RAB27B: variants seen among roughly 807,000 people sequenced by gnomAD.
RAB27B encodes the protein ras-related protein Rab-27B.
Under a neutral mutation model 24.6 loss-of-function variants are expected in RAB27B, and 15 were observed. The ratio of observed to expected loss-of-function variants is 0.61; its 90% CI spans 0.41 to 0.94. The LOEUF is 0.94. Among genes scored for constraint, RAB27B ranks in the 40% least tolerant of loss-of-function variants. The probability of loss-of-function intolerance (pLI) is 0.00; values close to 1 mark genes in which losing one functional copy is unlikely to be tolerated. For missense variants in RAB27B, 261 were observed against 266.8 expected (o/e 0.98, Z 0.15); for synonymous variants, 105 against 92.5 (o/e 1.14, Z -0.78).
intron 2 of RAB27B, among the ~76,000 whole-genome samples, chr18:54,752,751 C>T (rs1301986280): frequency 6.6e-6 from 1 of 152,142 alleles, no homozygotes; most frequent in Non-Finnish European, 1.5e-5. Context: ...AGCAGAGATG[C>T]GTGCTGTTGT....
At chr18:54,737,287 C>A (rs1044465553) in intron 2 of RAB27B, among the ~76,000 whole-genome samples, 4 of 152,142 alleles carry the variant, frequency 2.6e-5, no homozygotes, top group Admixed American at 2.6e-4. Context: ...TGACTTTAGG[C>A]ATCAAGAAGA....
At chr18:54,718,670 A>T (rs1287736059) in intron 2 of RAB27B, among the ~76,000 whole-genome samples, 1 of 152,214 alleles carries the variant, frequency 6.6e-6, no homozygotes, top group African/African-American at 2.4e-5. Flanking sequence ...CAGCTAGTAG[A>T]TGGCACACAG....
intron 2 of RAB27B, among the ~76,000 whole-genome samples, chr18:54,774,450 G>T (rs961764519): frequency 2.0e-5 from 3 of 152,170 alleles, no homozygotes; most frequent in African/African-American, 7.2e-5. Flanking sequence ...CAGGTTACAT[G>T]GTTTTCAGGG....
At chr18:54,766,592 CA>C (rs1351517863) in intron 2 of RAB27B, among the ~76,000 whole-genome samples, 1 of 151,982 alleles carries the variant, frequency 6.6e-6, no homozygotes, top group African/African-American at 2.4e-5. Context: ...TATGTTTCTG[CA>C]ATGCAGATTC....
intron 1 of RAB27B, among the ~76,000 whole-genome samples, chr18:54,871,849 CAAAAA>C (rs11388519): frequency 4.7e-5 from 4 of 85,978 alleles, no homozygotes; most frequent in South Asian, 4.5e-4. Flanking sequence ...GACTCCATCT[CAAAAA>C]AAAAAAAAAA....
chr18:54,835,564 A>C (rs1179891012), intron 1 of RAB27B, among the ~76,000 whole-genome samples: 2 of 151,974 alleles, frequency 1.3e-5, no homozygotes, highest in Non-Finnish European at 2.9e-5. Flanking sequence ...TGCAAAACAT[A>C]CGTTACAGGA....
chr18:54,828,326 C>T (rs1450160727), upstream of RAB27B: 1 of 152,192 alleles, frequency 6.6e-6, no homozygotes, highest in Admixed American at 6.5e-5. Context: ...GAGTGTGTTT[C>T]TCACTGCAGC....
intron 1 of RAB27B, among the ~76,000 whole-genome samples, chr18:54,850,357 T>TATATATATATATATATAA (rs1264669719): frequency 1.5e-5 from 2 of 130,566 alleles, no homozygotes; most frequent in Non-Finnish European, 3.2e-5. Flanking sequence ...TATATATATA[T>TATATATATATATATATAA]ATACATACAT....
intron 1 of RAB27B, among the ~76,000 whole-genome samples, chr18:54,872,473 A>G (rs1912511827): frequency 6.6e-6 from 1 of 151,802 alleles, no homozygotes; most frequent in African/African-American, 2.4e-5. Flanking sequence ...CAAAAATACA[A>G]AATTAGCCAG....
chr18:54,882,019 T>C (rs1250515098), intron 3 of RAB27B, among the ~76,000 whole-genome samples: 3 of 152,122 alleles, frequency 2.0e-5, no homozygotes, highest in Non-Finnish European at 4.4e-5. Flanking sequence ...GTACAGCTAG[T>C]TTCCAAAGAG....
At chr18:54,723,420 C>T (rs919324546) in intron 2 of RAB27B, among the ~76,000 whole-genome samples, 1 of 152,126 alleles carries the variant, frequency 6.6e-6, no homozygotes, top group Non-Finnish European at 1.5e-5. Flanking sequence ...ATCTATTATT[C>T]AACTATTATG....
chr18:54,797,486 A>C (rs983933436), intron 2 of RAB27B, among the ~76,000 whole-genome samples: 1 of 152,218 alleles, frequency 6.6e-6, no homozygotes, highest in African/African-American at 2.4e-5. Context: ...ACTGCACTCC[A>C]ATTTGGGCCA....
intron 2 of RAB27B, among the ~76,000 whole-genome samples, chr18:54,790,222 T>C (rs1425110877): frequency 6.6e-6 from 1 of 152,066 alleles, no homozygotes; most frequent in Non-Finnish European, 1.5e-5. Flanking sequence ...TATATCAAAC[T>C]ACGTGTGAGG....
chr18:54,761,993 T>A (rs1278138860), intron 2 of RAB27B, among the ~76,000 whole-genome samples: 1 of 152,022 alleles, frequency 6.6e-6, no homozygotes, highest in Non-Finnish European at 1.5e-5. Context: ...GCAGTGTCCT[T>A]ATAAGAGACA....
intron 2 of RAB27B, among the ~76,000 whole-genome samples, chr18:54,764,784 A>C (rs1908305552): frequency 6.6e-6 from 1 of 152,034 alleles, no homozygotes; most frequent in Non-Finnish European, 1.5e-5. Flanking sequence ...TGCATTTCAA[A>C]TTTATCTACT....
chr18:54,755,737 C>A (rs1322499767), intron 2 of RAB27B, among the ~76,000 whole-genome samples: 1 of 152,148 alleles, frequency 6.6e-6, no homozygotes, highest in Non-Finnish European at 1.5e-5. Flanking sequence ...AGTTTGAATT[C>A]CTGGAAGGAA....
intron 1 of RAB27B, among the ~76,000 whole-genome samples, chr18:54,829,703 A>G (rs570295259): frequency 6.6e-6 from 1 of 152,354 alleles, no homozygotes; most frequent in African/African-American, 2.4e-5. Context: ...GTTGAGGGAA[A>G]GGATAGACTT....
intron 2 of RAB27B, among the ~76,000 whole-genome samples, chr18:54,780,362 C>A (rs543679635): frequency 6.3e-5 from 9 of 143,034 alleles, no homozygotes; most frequent in East Asian, 2.1e-4. Flanking sequence ...TGGTCTCCCC[C>A]TCACTGTGTC....
intron 2 of RAB27B, among the ~76,000 whole-genome samples, chr18:54,726,338 G>A (rs1909536247): frequency 1.3e-5 from 2 of 151,582 alleles, no homozygotes; most frequent in African/African-American, 4.8e-5. Context: ...GTTGGCCGAA[G>A]AGAATTTTGA....
Sources: allele counts gnomAD v4.1 joint callset (sites outside exome capture counted in the v4.1 genomes callset), GRCh38; gene constraint gnomAD v4.1.1; transcripts MANE v1.5; gene names NCBI Gene and HGNC (gene_info 2026-07-23, HGNC 2026-07-21).